DIAPH3: variants seen among roughly 807,000 people sequenced by gnomAD.
DIAPH3 encodes diaphanous related formin 3, also known as protein diaphanous homolog 3.
DIAPH3 carries 117 observed loss-of-function variants against 144.3 expected under a neutral mutation model. The ratio of observed to expected loss-of-function variants is 0.81; its 90% CI spans 0.70 to 0.95. DIAPH3 has a LOEUF of 0.95. DIAPH3 is among the 40% of genes least tolerant of loss of function. The probability of loss-of-function intolerance (pLI) is 0.00; values close to 1 mark genes in which losing one functional copy is unlikely to be tolerated. For synonymous variants in DIAPH3, 519 were observed against 488.9 expected, an observed-to-expected ratio of 1.06 and a Z score of -0.81; for missense variants, 1,421 against 1,412.7, an observed-to-expected ratio of 1.01 and a Z score of -0.09.
At chr13:59,898,832 G>A (rs1046887007) in intron 20 of DIAPH3, among the ~76,000 whole-genome samples, 17 of 152,168 alleles carry the variant, frequency 1.1e-4, no homozygotes, top group African/African-American at 4.1e-4. Context: ...GCAAAGTATT[G>A]TTCCTGGGTA....
At chr13:59,947,761 C>A (rs1271026400) in intron 17 of DIAPH3, among the ~76,000 whole-genome samples, 1 of 151,348 alleles carries the variant, frequency 6.6e-6, no homozygotes, top group Non-Finnish European at 1.5e-5. Context: ...AAACCACAAT[C>A]GTTTTGCATG....
At chr13:60,021,947 G>A (rs963704480) in intron 5 of DIAPH3, among the ~76,000 whole-genome samples, 7 of 151,942 alleles carry the variant, frequency 4.6e-5, no homozygotes, top group East Asian at 3.9e-4. Flanking sequence ...TCCTTTCATC[G>A]TTATTTTGTA....
intron 5 of DIAPH3, among the ~76,000 whole-genome samples, chr13:60,030,254 T>A (rs1309217217): frequency 6.6e-6 from 1 of 152,236 alleles, no homozygotes; most frequent in Non-Finnish European, 1.5e-5. Context: ...GCCCTTGGAA[T>A]ACTTGTTGCA....
chr13:59,942,883 G>T (rs1345731116), intron 17 of DIAPH3, among the ~76,000 whole-genome samples: 1 of 152,068 alleles, frequency 6.6e-6, no homozygotes, highest in Non-Finnish European at 1.5e-5. Flanking sequence ...TGTTTTAACA[G>T]CTTCATAGCA....
chr13:59,918,253 G>GA lies in DIAPH3; in HGVS notation c.2171-2005dup, dbSNP rs1263690398. Among the ~76,000 whole-genome samples the GA allele has an allele frequency of 2.7e-4, 39 of 145,188 alleles. 1 individual carries two copies. The highest frequency in any genetic ancestry group is 3.6e-3 in the Middle Eastern group (1 of 280). ...AGAGAGAGAGAGATACTGTCCACTT[G>GA]AAAAAAAAGAGAAGTGAACATAGAA... On this transcript the variant is annotated intron_variant, in intron 18 of 27. Transcript: ENST00000400324.
chr13:59,797,580 T>C (rs1244502567), intron 25 of DIAPH3, among the ~76,000 whole-genome samples: 1 of 152,174 alleles, frequency 6.6e-6, no homozygotes, highest in Non-Finnish European at 1.5e-5. Context: ...AACCAAATAC[T>C]GACTACAACA....
intron 5 of DIAPH3, among the ~76,000 whole-genome samples, chr13:60,041,545 A>T (rs1234487554): frequency 6.6e-6 from 1 of 152,194 alleles, no homozygotes; most frequent in African/African-American, 2.4e-5. Flanking sequence ...TTTCTTTTAA[A>T]TACATGTACG....
At chr13:59,690,165 TC>T (rs762413707) in intron 27 of DIAPH3, among the ~76,000 whole-genome samples, 4 of 152,104 alleles carry the variant, frequency 2.6e-5, no homozygotes, top group Non-Finnish European at 4.4e-5. Context: ...CCATTAAAAG[TC>T]CAAAATTCAG....
chr13:59,917,353 A>AT (rs1264480718), intron 18 of DIAPH3, among the ~76,000 whole-genome samples: 2 of 152,132 alleles, frequency 1.3e-5, no homozygotes, highest in Non-Finnish European at 2.9e-5. Flanking sequence ...AAGGATGACT[A>AT]TTTTTTATAA....
At position 59,723,634 on chromosome 13, in the gene DIAPH3, G is replaced by A. The variant is rs115035478; in HGVS notation, c.3319+50555C>T. On this transcript the variant is annotated intron_variant, in intron 27 of 27. Coordinates refer to ENST00000400324, the MANE Select transcript of DIAPH3 (RefSeq NM_001042517.2). ...CTTTTTTTTTTTTCCTTTTTGAGAT[G>A]AAGTCTCACACTGTCACCTGGGCTG... Among the ~76,000 whole-genome samples, 1,040 of 150,416 alleles carry A rather than the reference G, an allele frequency of 6.9e-3. 12 individuals carry two copies. Among genetic ancestry groups the A allele is most frequent in the African/African-American group, 0.023 (931 of 40,970 alleles).
At chr13:60,028,391 C>T (rs1041442067) in intron 5 of DIAPH3, among the ~76,000 whole-genome samples, 1 of 152,068 alleles carries the variant, frequency 6.6e-6, no homozygotes, top group Non-Finnish European at 1.5e-5. Context: ...CTTGCCCCAC[C>T]TCATAGCAGC....
intron 2 of DIAPH3, among the ~76,000 whole-genome samples, chr13:60,124,039 T>G (rs1481283154): frequency 6.6e-6 from 1 of 152,206 alleles, no homozygotes; most frequent in Non-Finnish European, 1.5e-5. Flanking sequence ...ACATCACATC[T>G]AGGTAGGTAC....
At chr13:59,882,225 A>G (rs1465896672) in intron 20 of DIAPH3, among the ~76,000 whole-genome samples, 2 of 152,038 alleles carry the variant, frequency 1.3e-5, no homozygotes, top group Non-Finnish European at 2.9e-5. Context: ...AGTGGCTGGG[A>G]TTACAGCCAT....
intron 3 of DIAPH3, among the ~76,000 whole-genome samples, chr13:60,105,813 G>A (rs909713023): frequency 6.6e-6 from 1 of 152,106 alleles, no homozygotes; most frequent in African/African-American, 2.4e-5. Flanking sequence ...ATAAGCTGCT[G>A]GTAGGAATCT....
chr13:60,070,141 G>A (rs2057143317), intron 4 of DIAPH3, among the ~76,000 whole-genome samples: 1 of 151,936 alleles, frequency 6.6e-6, no homozygotes, highest in African/African-American at 2.4e-5. Flanking sequence ...TGTTTGTGTT[G>A]TCTCTAATTT....
chr13:60,065,189 G>A (rs968494608), intron 4 of DIAPH3, among the ~76,000 whole-genome samples: 20 of 148,102 alleles, frequency 1.4e-4, no homozygotes, highest in African/African-American at 5.0e-4. Context: ...GTAAACACAT[G>A]CTGTTGGAAA....
chr13:59,717,748 T>A (rs759853541), intron 27 of DIAPH3, among the ~76,000 whole-genome samples: 4 of 151,540 alleles, frequency 2.6e-5, no homozygotes, highest in Admixed American at 6.6e-5. Flanking sequence ...ATTATAGGTA[T>A]AGGAGGATAA....
chr13:59,950,858 A>G (rs1017961314), intron 17 of DIAPH3, among the ~76,000 whole-genome samples: 1 of 152,128 alleles, frequency 6.6e-6, no homozygotes, highest in Non-Finnish European at 1.5e-5. Context: ...TTACTCTAGC[A>G]GTATAAACAC....
chr13:59,698,992 T>C (rs369748894), intron 27 of DIAPH3, among the ~76,000 whole-genome samples: 21 of 152,358 alleles, frequency 1.4e-4, no homozygotes, highest in African/African-American at 5.1e-4. Flanking sequence ...TACCCAATTA[T>C]TAATTCAACA....
Sources: gnomAD v4.1 joint callset for allele counts (sites outside exome capture counted in the v4.1 genomes callset) on GRCh38, gnomAD v4.1.1 for gene constraint, MANE v1.5 for transcripts, NCBI Gene and HGNC (gene_info 2026-07-23, HGNC 2026-07-21) for gene names.